ADAMTSL1: variants seen among roughly 807,000 people sequenced by gnomAD.
The protein encoded by ADAMTSL1 is ADAMTS like 1, also known as ADAMTS-like protein 1.
In ADAMTSL1, 126 loss-of-function variants were observed where a neutral mutation model predicts 201.8. The observed-to-expected ratio is 0.62, with a 90% CI of 0.54 to 0.72. The LOEUF (loss-of-function observed/expected upper bound fraction) is 0.72. ADAMTSL1 is among the 30% of genes least tolerant of loss of function. The pLI, the probability that ADAMTSL1 is intolerant of heterozygous loss-of-function variation, is 0.00. For missense variants in ADAMTSL1, 2,679 were observed against 2,277.8 expected, an observed-to-expected ratio of 1.18 and a Z score of -3.59; for synonymous variants, 1,121 against 903.4, an observed-to-expected ratio of 1.24 and a Z score of -4.32.
intron 1 of ADAMTSL1, among the ~76,000 whole-genome samples, chr9:18,025,008 C>A (rs773294769): frequency 6.6e-6 from 1 of 152,106 alleles, no homozygotes; most frequent in Non-Finnish European, 1.5e-5. Flanking sequence ...TTGCATTTAT[C>A]TGAAAATTGG....
chr9:17,919,800 G>T (rs983359674), intron 1 of ADAMTSL1, among the ~76,000 whole-genome samples: 3 of 151,894 alleles, frequency 2.0e-5, no homozygotes, highest in East Asian at 3.9e-4. Context: ...CAAGTTTTTG[G>T]GTGGACAAAT....
At chr9:18,183,034 T>A (rs1828571465) in intron 2 of ADAMTSL1, among the ~76,000 whole-genome samples, 2 of 152,216 alleles carry the variant, frequency 1.3e-5, no homozygotes, top group South Asian at 4.1e-4. Context: ...TTAATTCCTA[T>A]ATGTTATTGC....
chr9:18,359,068 C>G (rs1027872590), intron 2 of ADAMTSL1, among the ~76,000 whole-genome samples: 1 of 152,142 alleles, frequency 6.6e-6, no homozygotes, highest in African/African-American at 2.4e-5. Flanking sequence ...CTGCCATGCT[C>G]TTATCCAGTA....
intron 23 of ADAMTSL1, among the ~76,000 whole-genome samples, chr9:18,881,802 G>A (rs1563884011): frequency 6.6e-6 from 1 of 152,114 alleles, no homozygotes; most frequent in African/African-American, 2.4e-5. Context: ...CTTCTCAAAG[G>A]CCTGTTAGTT....
intron 2 of ADAMTSL1, among the ~76,000 whole-genome samples, chr9:18,391,828 T>C (rs1297981305): frequency 7.7e-5 from 11 of 142,724 alleles, no homozygotes; most frequent in African/African-American, 2.6e-4. Flanking sequence ...TTCTTTCTTT[T>C]TTTTTTTTTT....
At chr9:18,044,148 TA>T (rs140163525) in intron 1 of ADAMTSL1, among the ~76,000 whole-genome samples, 5,485 of 151,752 alleles carry the variant, frequency 0.036, 125 homozygotes, top group African/African-American at 0.059. Context: ...CTGTAGGGAA[TA>T]GACTTTGATC....
intron 1 of ADAMTSL1, among the ~76,000 whole-genome samples, chr9:18,100,493 T>C (rs1824466618): frequency 6.6e-6 from 1 of 152,202 alleles, no homozygotes. Flanking sequence ...TTCAGAAGGA[T>C]TCTTGCATCA....
intron 21 of ADAMTSL1, among the ~76,000 whole-genome samples, chr9:18,822,454 C>G (rs1209569372): frequency 6.6e-6 from 1 of 152,322 alleles, no homozygotes; most frequent in Admixed American, 6.5e-5. Flanking sequence ...GATTTTCTCT[C>G]AAGAGTCAGG....
At chr9:18,372,228 A>G (rs2133133246) in intron 2 of ADAMTSL1, among the ~76,000 whole-genome samples, 1 of 152,328 alleles carries the variant, frequency 6.6e-6, no homozygotes, top group African/African-American at 2.4e-5. Flanking sequence ...TAGAAAATGC[A>G]GCTCTCAGGT....
chr9:18,634,540 T>A (rs1826976235), intron 5 of ADAMTSL1, among the ~76,000 whole-genome samples: 1 of 150,338 alleles, frequency 6.7e-6, no homozygotes, highest in Admixed American at 6.7e-5. Context: ...CGAGACCCTA[T>A]CTCAAAATAA....
At chr9:18,422,934 G>A (rs529266697) in intron 2 of ADAMTSL1, among the ~76,000 whole-genome samples, 69 of 152,314 alleles carry the variant, frequency 4.5e-4, no homozygotes, top group African/African-American at 1.6e-3. Context: ...ATAACACTGT[G>A]TTATCCAATA....
At chr9:18,605,132 C>T (rs1824928212) in intron 4 of ADAMTSL1, among the ~76,000 whole-genome samples, 1 of 152,126 alleles carries the variant, frequency 6.6e-6, no homozygotes, top group Non-Finnish European at 1.5e-5. Context: ...CTTCTGCTCC[C>T]AAGCTCAGAA....
At chr9:18,126,168 A>G (rs866916760) in intron 1 of ADAMTSL1, among the ~76,000 whole-genome samples, 2 of 152,226 alleles carry the variant, frequency 1.3e-5, no homozygotes, top group Admixed American at 6.5e-5. Flanking sequence ...AATATACTCC[A>G]GTGATTTTCT....
intron 1 of ADAMTSL1, among the ~76,000 whole-genome samples, chr9:18,077,031 A>T (rs1344249561): frequency 6.6e-6 from 1 of 152,168 alleles, no homozygotes; most frequent in Non-Finnish European, 1.5e-5. Flanking sequence ...TGGTGTCTTT[A>T]AACGTTGGCC....
chr9:18,582,581 G>T (rs533844749), intron 4 of ADAMTSL1, among the ~76,000 whole-genome samples: 2 of 152,132 alleles, frequency 1.3e-5, no homozygotes, highest in African/African-American at 2.4e-5. Flanking sequence ...GGGTGCAGTG[G>T]CTCACACCTG....
intron 1 of ADAMTSL1, among the ~76,000 whole-genome samples, chr9:18,477,245 G>A (rs1196910849): frequency 6.6e-6 from 1 of 152,186 alleles, no homozygotes; most frequent in Non-Finnish European, 1.5e-5. Flanking sequence ...TGTCAGAAAG[G>A]CATTTAATCA....
At chr9:18,289,653 G>T (rs1476683025) in intron 2 of ADAMTSL1, among the ~76,000 whole-genome samples, 2 of 152,150 alleles carry the variant, frequency 1.3e-5, no homozygotes, top group African/African-American at 4.8e-5. Context: ...CTCAGATCTG[G>T]CTATGATAGG....
chr9:18,054,062 T>C (rs1248395339), intron 1 of ADAMTSL1, among the ~76,000 whole-genome samples: 1 of 152,206 alleles, frequency 6.6e-6, no homozygotes, highest in Non-Finnish European at 1.5e-5. Flanking sequence ...GCTTACATGA[T>C]AGAAACTACT....
In ADAMTSL1 at chr9:18,774,698, G is replaced by A. The variant is rs545320150; in HGVS notation, c.2398-1045G>A. On this transcript the variant is annotated intron_variant, in intron 17 of 28. Transcript: ENST00000380548. The stretch of plus-strand genomic sequence containing the variant: ...TATGTTTTTAAGGTTTATCTGTGTT[G>A]TAGCACATATAAGAACTATACTCCT... Among the ~76,000 whole-genome samples the A allele has an allele frequency of 4.6e-5, 7 of 152,150 alleles. No individual in the cohort carries two copies. The East Asian group carries it at 1.3e-3, about 29-fold the overall frequency.
Sources: gnomAD v4.1 joint callset for allele counts (sites outside exome capture counted in the v4.1 genomes callset) on GRCh38, gnomAD v4.1.1 for gene constraint, MANE v1.5 for transcripts, NCBI Gene and HGNC (gene_info 2026-07-23, HGNC 2026-07-21) for gene names.